Variants in CDHR5 observed in about 807,000 individuals in gnomAD.
CDHR5 encodes cadherin related family member 5.
CDHR5 carries 82 observed loss-of-function variants against 69.5 expected under a neutral mutation model. That is an observed-to-expected ratio of 1.18 (90% CI 0.99 to 1.42). CDHR5 has a LOEUF of 1.42. Ranked by LOEUF, CDHR5 falls within the 40% of genes most tolerant of loss-of-function variation. CDHR5 has a pLI of 0.00. For synonymous variants in CDHR5, 601 were observed against 510.2 expected (o/e 1.18, Z -2.40); for missense variants, 1,293 against 1,168.9 (o/e 1.11, Z -1.55).
At chr11:618,412 T>C (rs1371929168) in intron 13 of CDHR5, among the ~76,000 whole-genome samples, 187 bp downstream of exon 13, 1 of 152,238 alleles carries the variant, frequency 6.6e-6, no homozygotes, top group Non-Finnish European at 1.5e-5. Context: ...CTGGCCTCTG[T>C]CCTACACACA....
chr11:619,112 TG>T lies in CDHR5; in HGVS notation c.1446del (p.Arg483AspfsTer28). On this transcript the variant is annotated frameshift_variant, in exon 13 of 15. Transcript: ENST00000397542. LOFTEE classifies it high-confidence loss of function. ...GPWTSTTSEVPRPPEPSQGPS... is the reference protein window; with the variant it reads ...GPWTSTTSEVXRPPEPSQGPS... Reference sequence around the variant, plus strand: ...GGTCCCTGGGAGGGCTCAGGGGGTCTGGGGACCTCGGAAGTGGTGCTGGTCC... The same window carrying T: ...GGTCCCTGGGAGGGCTCAGGGGGTCTGGGACCTCGGAAGTGGTGCTGGTCC... The T allele has an allele frequency of 1.2e-6, 2 of 1,601,888 alleles. No homozygotes were observed. The highest frequency in any genetic ancestry group is 1.1e-5 in the South Asian group (1 of 90,424).
At chr11:622,728 G>A (rs572028255) in intron 3 of CDHR5, among the ~76,000 whole-genome samples, 13 of 151,980 alleles carry the variant, frequency 8.6e-5, no homozygotes, top group African/African-American at 2.9e-4. Context: ...TACCCGCCTC[G>A]GCCTCCCAAA....
At chr11:620,977 C>CCCCGGA in intron 7 of CDHR5, 103 bp downstream of exon 7, 2 of 741,070 alleles carry the variant, frequency 2.7e-6, no homozygotes, top group Non-Finnish European at 2.1e-6. Flanking sequence ...TCGGCCCCAC[C>CCCCGGA]CCCTGACCCC....
At position 621,295 on chromosome 11, in the gene CDHR5, G is replaced by T; in HGVS notation, c.619-45C>A. The T allele has an allele frequency of 6.2e-7, 1 of 1,610,862 alleles. No individual in the cohort carries two copies. Among genetic ancestry groups the T allele is most frequent in the Non-Finnish European group, 8.5e-7 (1 of 1,178,078 alleles). ...TGGATCAGGCCTGGGAGCAGCTGGGGCCGGGGGGCCTCAAGTGTGTGGGAC... is the reference window on the plus strand; with the variant it reads ...TGGATCAGGCCTGGGAGCAGCTGGGTCCGGGGGGCCTCAAGTGTGTGGGAC... On this transcript the variant is annotated intron_variant, in intron 6 of 14. Transcript: ENST00000397542. The surrounding 1 kb of genome is among the most constrained non-coding windows in gnomAD (Gnocchi z 4.4).
rs377051545 is a variant in CDHR5, at chr11:618,949, C to T, written c.1610G>A (p.Gly537Glu). Residue 537 changes from glycine to glutamate, a missense_variant, in exon 13 of 15, where the codon GGG becomes GAG. Physicochemically the swap from Gly to Glu is moderately conservative, Grantham distance 98 (BLOSUM62 -2). Transcript: ENST00000397542. The part of the protein sequence containing the change: ...STSHQPATPG[G>E]DTAQTPKPGT... The stretch of plus-strand genomic sequence containing the variant: ...TGGCTTTGGGGTCTGTGCTGTGTCC[C>T]CACCGGGAGTGGCTGGTTGGTGGGA... The T allele has an allele frequency of 1.9e-6, 3 of 1,610,890 alleles. No individual in the cohort carries two copies. Among genetic ancestry groups the T allele is most frequent in the Non-Finnish European group, 2.5e-6 (3 of 1,177,546 alleles).
Position 620,083 on chromosome 11 carries a change from A to T in CDHR5, c.962T>A (p.Phe321Tyr). The change falls in exon 9 of 15, where the codon TTC (phenylalanine) becomes TAC (tyrosine). Residue 321 changes from phenylalanine to tyrosine, a missense_variant. Phe to Tyr is a conservative substitution (Grantham distance 22, BLOSUM62 3). Transcript: ENST00000397542. ...VARSVPSPMT[F>Y]LLLVKGQQAD... ...CCACCTCACCTTCACCAGCAGAAGG[A>T]AGGTCATGGGGCTGGGGACACTCCT... is the stretch of plus-strand genomic sequence containing the variant. 1 of 1,610,164 alleles carries T rather than the reference A, an allele frequency of 6.2e-7. No individual in the cohort carries two copies. The highest frequency in any genetic ancestry group is 8.5e-7 in the Non-Finnish European group (1 of 1,178,356).
intron 7 of CDHR5, 47 bp from the exon 8 acceptor site, chr11:620,433 T>C: frequency 1.5e-6 from 2 of 1,355,856 alleles, no homozygotes; most frequent in Non-Finnish European, 2.1e-6. Context: ...CTGGGGTGGA[T>C]GGCCCCAGCC....
rs780656505 is a variant in CDHR5, at chr11:624,523, G to T, written c.261+34C>A. On this transcript the variant is annotated intron_variant, in intron 2 of 14. Coordinates refer to ENST00000397542, the MANE Select transcript of CDHR5 (RefSeq NM_021924.5). This position sits in a 1 kb window ranked among gnomAD's most constrained non-coding sequence, Gnocchi z 5.3. ...TGAGGATGCAGGTGCCCTTCTCCCGGGACCCCCATATCCCGCCCGCCTGCC... is the reference window on the plus strand; with the variant it reads ...TGAGGATGCAGGTGCCCTTCTCCCGTGACCCCCATATCCCGCCCGCCTGCC... 6 of 1,605,706 alleles carry T rather than the reference G, an allele frequency of 3.7e-6. No homozygotes were observed. The South Asian group carries it at 5.5e-5, about 15-fold the overall frequency.
intron 12 of CDHR5, 37 bp from the exon 13 acceptor site, chr11:619,217 C>G: frequency 2.7e-6 from 4 of 1,472,560 alleles, no homozygotes; most frequent in Non-Finnish European, 3.7e-6. Flanking sequence ...TTGCCTCTGC[C>G]CGCCCCTTGC....
chr11:621,456 C>A lies in CDHR5; in HGVS notation c.508-1G>T. The A allele has an allele frequency of 6.2e-7, 1 of 1,612,036 alleles. No individual in the cohort carries two copies. ...CCAGGGAGAAGTAGTCACTGGCACCCTGGGGAGGGTCAGGGAGGACAGAGC... is the reference window on the plus strand; with the variant it reads ...CCAGGGAGAAGTAGTCACTGGCACCATGGGGAGGGTCAGGGAGGACAGAGC... On this transcript the variant is annotated splice_acceptor_variant, in intron 5 of 14. Coordinates refer to ENST00000397542, the MANE Select transcript of CDHR5 (RefSeq NM_021924.5). LOFTEE classifies it high-confidence loss of function. The surrounding 1 kb of genome is among the most constrained non-coding windows in gnomAD (Gnocchi z 4.4).
At position 623,317 on chromosome 11, in the gene CDHR5, GTCTC is replaced by G. The variant is rs1228800634; in HGVS notation, c.312+892_312+895del. On this transcript the variant is annotated intron_variant, in intron 3 of 14. Transcript: ENST00000397542. ...GAGTGAGACTCTGTCTCAAAAAAGA[GTCTC>G]TCTCTTTCAGAGACATATCCCAAGA... is the stretch of plus-strand genomic sequence containing the variant. Among the ~76,000 whole-genome samples the G allele has an allele frequency of 2.0e-5, 3 of 152,042 alleles. No homozygotes were observed. The South Asian group carries it at 6.2e-4, about 32-fold the overall frequency.
In CDHR5 at chr11:620,342, G is replaced by T; in HGVS notation, c.834C>A (p.Asp278Glu). Residue 278 changes from aspartate to glutamate, a missense_variant, in exon 8 of 15, where the codon GAC (aspartate) becomes GAA (glutamate). Asp to Glu is a conservative substitution (Grantham distance 45, BLOSUM62 2). Transcript: ENST00000397542. The part of the protein sequence containing the change: ...VLRPGPIYAE[D>E]GDRGINQPII... The stretch of plus-strand genomic sequence containing the variant: ...TGGGCTGGTTGATGCCGCGGTCTCC[G>T]TCCTCAGCGTAGATGGGTCCGGGAC... 1.9e-6 allele frequency: 3 copies of T among 1,612,764 alleles called. No individual in the cohort carries two copies. Among genetic ancestry groups the T allele is most frequent in the Non-Finnish European group, 2.5e-6 (3 of 1,179,252 alleles).
In CDHR5 at chr11:621,848, T is replaced by G. The variant is rs1358166491; in HGVS notation, c.369A>C (p.Glu123Asp). 3.7e-6 allele frequency: 6 copies of G among 1,613,620 alleles called. No individual in the cohort carries two copies. The African/African-American group carries it at 6.7e-5, about 18-fold the overall frequency. Residue 123 changes from glutamate (E) to aspartate (D), a missense_variant, in exon 4 of 15, where the codon GAA (glutamate) becomes GAC (aspartate). Glu to Asp is a conservative substitution (Grantham distance 45). Transcript: ENST00000397542. This position sits in a 1 kb window ranked among gnomAD's most constrained non-coding sequence, Gnocchi z 4.4. The stretch of plus-strand genomic sequence containing the variant: ...TTATCTCCTTGGTCTTAAAGGGGAA[T>G]TCGGGGGCATTGTCATTGACGTCCA... ...SVLDVNDNAP[E>D]FPFKTKEIRV...
chr11:622,027 A>C, intron 3 of CDHR5, 123 bp from the exon 4 acceptor site: 1 of 658,386 alleles, frequency 1.5e-6, no homozygotes, highest in Non-Finnish European at 2.5e-6. Flanking sequence ...TCCCCGCCCT[A>C]AGTGAGGTGC....
Position 618,144 on chromosome 11 carries a change from G to T in CDHR5, c.1961-33C>A, listed in dbSNP as rs765427830. The T allele has an allele frequency of 5.7e-6, 9 of 1,567,780 alleles. No individual in the cohort carries two copies. In the Admixed American group the frequency reaches 8.8e-5, roughly 15 times the overall value. On this transcript the variant is annotated intron_variant, in intron 13 of 14. Coordinates refer to ENST00000397542, the MANE Select transcript of CDHR5 (RefSeq NM_021924.5). The stretch of plus-strand genomic sequence containing the variant: ...CGCAGTGGAAAACGTCATCATCCCC[G>T]CACTGTTGAGTGCCCCAGGCATTTC...
In CDHR5 at chr11:621,836, C is replaced by T. The variant is rs1477635153; in HGVS notation, c.381G>A (p.Lys127=). The T allele has an allele frequency of 5.6e-6, 9 of 1,613,536 alleles. No individual in the cohort carries two copies. Among genetic ancestry groups the T allele is most frequent in the African/African-American group, 2.7e-5 (2 of 74,912 alleles). The change falls in exon 4 of 15, where the codon AAG becomes AAA. Residue 127 remains lysine, a synonymous_variant. Transcript: ENST00000397542. The surrounding 1 kb of genome is among the most constrained non-coding windows in gnomAD (Gnocchi z 4.4). ...CCTCCTCCACCCTTATCTCCTTGGT[C>T]TTAAAGGGGAATTCGGGGGCATTGT... ...VNDNAPEFPF[K]TKEIRVEEDT...
intron 3 of CDHR5, among the ~76,000 whole-genome samples, chr11:622,427 T>TG (rs913913599): frequency 3.3e-5 from 5 of 151,470 alleles, no homozygotes; most frequent in African/African-American, 1.2e-4. Flanking sequence ...TTCTCTGTTT[T>TG]TTTTTTTTTT....
chr11:624,019 G>C lies in CDHR5; in HGVS notation c.312+194C>G, dbSNP rs1857567615. ...GGCACACTGGATGGGGTGTCTGCTGGACAAGGGGTCAGTGACGGGGACTCC... is the reference window on the plus strand; with the variant it reads ...GGCACACTGGATGGGGTGTCTGCTGCACAAGGGGTCAGTGACGGGGACTCC... On this transcript the variant is annotated intron_variant, in intron 3 of 14. Transcript: ENST00000397542. This position sits in a 1 kb window ranked among gnomAD's most constrained non-coding sequence, Gnocchi z 5.3. Among the ~76,000 whole-genome samples, 1 of 152,138 alleles carries C rather than the reference G, an allele frequency of 6.6e-6. No homozygotes were observed. Among genetic ancestry groups the C allele is most frequent in the Admixed American group, 6.6e-5 (1 of 15,256 alleles).
Position 618,945 on chromosome 11 carries a change from G to A in CDHR5, c.1614C>T (p.Asp538=). The change falls in exon 13 of 15, where the codon GAC becomes GAT. Residue 538 remains aspartate (D), a synonymous_variant. Transcript: ENST00000397542. Reference sequence around the variant, plus strand: ...TTCCTGGCTTTGGGGTCTGTGCTGTGTCCCCACCGGGAGTGGCTGGTTGGT... The same window carrying A: ...TTCCTGGCTTTGGGGTCTGTGCTGTATCCCCACCGGGAGTGGCTGGTTGGT... The part of the protein sequence containing the change: ...TSHQPATPGG[D]TAQTPKPGTS... 1.2e-6 allele frequency: 2 copies of A among 1,611,788 alleles called. No homozygotes were observed. The highest frequency in any genetic ancestry group is 2.2e-5 in the South Asian group (2 of 91,038).
Sources: gnomAD v4.1 joint callset for allele counts (sites outside exome capture counted in the v4.1 genomes callset) on GRCh38, gnomAD v4.1.1 for gene constraint, Gnocchi (gnomAD v3.1) non-coding constraint, MANE v1.5 for transcripts, NCBI Gene and HGNC (gene_info 2026-07-23, HGNC 2026-07-21) for gene names.